The following PHF8 variants were observed in gnomAD, a reference collection of about 807,000 sequenced individuals.
The protein encoded by PHF8 is histone lysine demethylase PHF8.
PHF8 carries 9 observed loss-of-function variants against 74.4 expected under a neutral mutation model. The observed-to-expected ratio is 0.12, with a 90% confidence interval of 0.07 to 0.21. The LOEUF (loss-of-function observed/expected upper bound fraction) is 0.21. Among genes scored for constraint, PHF8 ranks in the 10% least tolerant of loss-of-function variants. PHF8 has a pLI of 1.00. For synonymous variants in PHF8, 311 were observed against 316.6 expected (o/e 0.98, Z 0.19); for missense variants, 478 against 816.6 (o/e 0.59, Z 5.05).
At chrX:53,939,685 C>T (rs191108805) in intron 21 of PHF8, among the ~76,000 whole-genome samples, 171 of 111,246 alleles carry the variant, frequency 1.5e-3, no homozygotes, top group Non-Finnish European at 2.8e-3. Context: ...CAGCCTTCAA[C>T]ATCACACCAA....
chrX:53,944,288 C>A lies in PHF8; in HGVS notation c.2540-45G>T, dbSNP rs782565851. On this transcript the variant is annotated intron_variant, in intron 19 of 21. Coordinates refer to ENST00000338154, the MANE Select transcript of PHF8 (RefSeq NM_015107.3). ...AGAAGGTGTCACTAAGACATTTATC[C>A]GAAGGCTAGCCATATTCCCTACCTC... The A allele has an allele frequency of 6.3e-6, 6 of 958,648 alleles. No individual in the cohort carries two copies. In the Admixed American group the frequency reaches 1.3e-4, roughly 21 times the overall value. The allele number at this position is 958,648 out of a possible 1,213,427, so 79.0% of individuals were successfully genotyped here. A position where few individuals can be genotyped will look rare whatever the true frequency, so the allele number is the denominator to read the frequency against.
intron 10 of PHF8, among the ~76,000 whole-genome samples, chrX:54,001,555 A>G (rs2065828228): frequency 9.0e-6 from 1 of 110,582 alleles, no homozygotes; most frequent in African/African-American, 3.3e-5. Flanking sequence ...TGGAAAACAG[A>G]TTAGTGGTTT....
At chrX:53,981,518 T>TTTTG (rs199757003) in intron 18 of PHF8, among the ~76,000 whole-genome samples, 1 of 111,938 alleles carries the variant, frequency 8.9e-6, no homozygotes, top group South Asian at 3.7e-4. Flanking sequence ...TCTGTTTTTT[T>TTTTG]TTTGTTTGTT....
At chrX:53,993,095 T>C (rs2065693135) in intron 13 of PHF8, 2 of 380,646 alleles carry the variant, frequency 5.3e-6, no homozygotes, top group African/African-American at 2.6e-5. Context: ...CAGATGCCCA[T>C]GGAGAGAATC....
intron 2 of PHF8, 148 bp from the exon 3 acceptor site, chrX:54,022,991 G>T: frequency 2.2e-6 from 1 of 453,395 alleles, no homozygotes; most frequent in Non-Finnish European, 3.9e-6. Flanking sequence ...AATTTCAAGC[G>T]CTCAGCAGCC....
upstream of PHF8, among the ~76,000 whole-genome samples, chrX:54,048,667 G>T (rs1250052433): frequency 8.9e-6 from 1 of 112,592 alleles, no homozygotes; most frequent in Non-Finnish European, 1.9e-5. Context: ...CCCTGGAAAT[G>T]TGTGGACTGG....
At chrX:54,035,125 G>C (rs2066429712) in intron 2 of PHF8, among the ~76,000 whole-genome samples, 1 of 111,519 alleles carries the variant, frequency 9.0e-6, no homozygotes. Context: ...TTGGGAGGCT[G>C]AGGCGGGCAG....
At chrX:53,947,006 T>A (rs1386105876) in intron 19 of PHF8, among the ~76,000 whole-genome samples, 1 of 111,760 alleles carries the variant, frequency 8.9e-6, no homozygotes, top group Non-Finnish European at 1.9e-5. Flanking sequence ...CTCAATGAAC[T>A]ATTCTATTTT....
chrX:53,942,165 C>T (rs1448275735), intron 20 of PHF8, among the ~76,000 whole-genome samples: 3 of 111,830 alleles, frequency 2.7e-5, no homozygotes, highest in Middle Eastern at 4.6e-3. Context: ...AGCAGATCCC[C>T]GCCCAAGTTC....
chrX:53,997,037 T>C (rs1047709072), intron 11 of PHF8, among the ~76,000 whole-genome samples: 5 of 112,483 alleles, frequency 4.4e-5, no homozygotes, highest in Non-Finnish European at 9.4e-5. Flanking sequence ...TGAGAGAAAA[T>C]ATTTGTAAAA....
Position 54,044,110 on chromosome X carries a change from A to C in PHF8, c.-441T>G, listed in dbSNP as rs1215783487. 1.3e-6 allele frequency: 1 copy of C among 753,655 alleles called. No homozygotes were observed. Among genetic ancestry groups the C allele is most frequent in the Non-Finnish European group, 1.6e-6 (1 of 639,017 alleles). 62.1% of individuals were successfully genotyped at this position (753,655 alleles called of 1,213,427 possible). A position where few individuals can be genotyped will look rare whatever the true frequency, so the allele number is the denominator to read the frequency against. On this transcript the variant is annotated 5_prime_UTR_variant, in exon 1 of 22. An upstream start codon of the reference 5' UTR is lost. Transcript: ENST00000338154. ...GCTTCAGAGCAGCCTCCTCCACAAC[A>C]TTCCCCTCGGCCCGGCCGTTCGGGC...
At chrX:54,033,239 A>G (rs1310329577) in intron 2 of PHF8, among the ~76,000 whole-genome samples, 9 of 111,720 alleles carry the variant, frequency 8.1e-5, no homozygotes, top group African/African-American at 2.9e-4. Flanking sequence ...TGTCCAGAAT[A>G]TAATTAAAAT....
At chrX:54,009,503 A>T (rs1557106204) in intron 8 of PHF8, among the ~76,000 whole-genome samples, 1 of 110,271 alleles carries the variant, frequency 9.1e-6, no homozygotes, top group African/African-American at 3.3e-5. Context: ...AGATAAAAGC[A>T]GAAATCAACA....
At chrX:54,006,781 C>G (rs781983094) in intron 8 of PHF8, among the ~76,000 whole-genome samples, 9 of 109,015 alleles carry the variant, frequency 8.3e-5, no homozygotes, top group Non-Finnish European at 1.5e-4. Context: ...ACTGCAAATA[C>G]GAAAAAATTA....
Position 53,938,631 on chromosome X carries a change from G to T in PHF8, c.*527C>A. 1 of 758,148 alleles carries T rather than the reference G, an allele frequency of 1.3e-6. No individual in the cohort carries two copies. The highest frequency in any genetic ancestry group is 1.6e-6 in the Non-Finnish European group (1 of 641,796). The allele number at this position is 758,148 out of a possible 1,213,427, so 62.5% of individuals were successfully genotyped here. On this transcript the variant is annotated 3_prime_UTR_variant, in exon 22 of 22. Coordinates refer to ENST00000338154, the MANE Select transcript of PHF8 (RefSeq NM_015107.3). ...CATTTCCATGAAGCATTTGGCAAGA[G>T]GGGGCAGAGACCACAGCCTTCTCCC...
chrX:53,959,822 C>CA (rs1471348944), intron 19 of PHF8, among the ~76,000 whole-genome samples: 1 of 96,485 alleles, frequency 1.0e-5, no homozygotes, highest in Non-Finnish European at 2.1e-5. Flanking sequence ...CAAGATTGCA[C>CA]CACTGCACTC....
At chrX:54,039,514 T>C (rs781894759) in intron 2 of PHF8, 1 of 112,259 alleles carries the variant, frequency 8.9e-6, no homozygotes, top group East Asian at 2.8e-4. Flanking sequence ...ACCACAGAAA[T>C]GTGATTAAAG....
At chrX:53,999,415 G>A in intron 11 of PHF8, 1 of 139,240 alleles carries the variant, frequency 7.2e-6, no homozygotes, top group Non-Finnish European at 1.4e-5. Context: ...ACAGTAGGCT[G>A]TTAGCAGTTA....
chrX:53,988,454 AAACT>A (rs1241634094), intron 14 of PHF8, among the ~76,000 whole-genome samples: 5 of 111,019 alleles, frequency 4.5e-5, no homozygotes, highest in African/African-American at 1.3e-4. Flanking sequence ...TAAAACTATA[AAACT>A]AGAGTAAAAC....
Sources: allele counts gnomAD v4.1 joint callset (sites outside exome capture counted in the v4.1 genomes callset), GRCh38; gene constraint gnomAD v4.1.1; transcripts MANE v1.5; gene names NCBI Gene and HGNC (gene_info 2026-07-23, HGNC 2026-07-21).